Variants in IRX3 observed in about 807,000 individuals in gnomAD.
The protein encoded by IRX3 is iroquois homeobox 3, also known as iroquois-class homeodomain protein IRX-3.
A neutral mutation model predicts 36.4 loss-of-function variants in IRX3; 20 were observed. That is an observed-to-expected ratio of 0.55 (90% CI 0.39 to 0.80). The LOEUF (loss-of-function observed/expected upper bound fraction) is 0.80, where lower values mean the gene tolerates loss of function less well. IRX3 is among the 30% of genes least tolerant of loss of function. The pLI, the probability that IRX3 is intolerant of heterozygous loss-of-function variation, is 0.00. For synonymous variants in IRX3, 404 were observed against 351.6 expected, an observed-to-expected ratio of 1.15 and a Z score of -1.67; for missense variants, 718 against 733.2, an observed-to-expected ratio of 0.98 and a Z score of 0.24.
Position 54,284,801 on chromosome 16 carries a change from G to C in IRX3, c.1080C>G (p.Asp360Glu), listed in dbSNP as rs1361872376. 1.3e-6 allele frequency: 2 copies of C among 1,481,792 alleles called. No individual in the cohort carries two copies. The highest frequency in any genetic ancestry group is 8.9e-7 in the Non-Finnish European group (1 of 1,126,170). The allele number at this position is 1,481,792 out of a possible 1,614,324, so 91.8% of individuals were successfully genotyped here. The change falls in exon 2 of 4, where the codon GAC becomes GAG. Residue 360 changes from aspartate to glutamate, a missense_variant. This residue lies in a region of IRX3 where 468 missense variants were observed against 462.1 expected (regional missense o/e 1.01). Transcript: ENST00000329734. This position sits in a 1 kb window ranked among gnomAD's most constrained non-coding sequence, Gnocchi z 4.0. ...CGCCGGGAGGCGAGCGGCGCGGGTT[G>C]TCCGGGCTTGTGGCAGTCTCCGCGA... ...WSLAETATSP[D>E]NPRRSPPGAG...
chr16:54,283,889 G>A lies in IRX3; in HGVS notation c.1452-149C>T. ...GTCCAGTTGTAGATGTGTGTGTTGG[G>A]GTTTAACTGTAGGGTGGGCACGAGG... On this transcript the variant is annotated intron_variant, in intron 3 of 3. Coordinates refer to ENST00000329734, the MANE Select transcript of IRX3 (RefSeq NM_024336.3). The surrounding 1 kb of genome is among the most constrained non-coding windows in gnomAD (Gnocchi z 4.4). 1 of 1,497,578 alleles carries A rather than the reference G, an allele frequency of 6.7e-7. No homozygotes were observed. Among genetic ancestry groups the A allele is most frequent in the Non-Finnish European group, 8.9e-7 (1 of 1,121,534 alleles). The allele number at this position is 1,497,578 out of a possible 1,614,324, so 92.8% of individuals were successfully genotyped here. A position where few individuals can be genotyped will look rare whatever the true frequency, so the allele number is the denominator to read the frequency against.
Position 54,285,554 on chromosome 16 carries a change from C to T in IRX3, c.327G>A (p.Ala109=). The change falls in exon 2 of 4, where the codon GCG becomes GCA. Residue 109 remains alanine, a synonymous_variant. Transcript: ENST00000329734. This position sits in a 1 kb window ranked among gnomAD's most constrained non-coding sequence, Gnocchi z 5.7. ...PGVQHPAAAA[A]FPHPHPAFYP... ...AGAAGGCGGGGTGCGGGTGCGGAAA[C>T]GCGGCAGCCGCGGCCGGATGCTGCA... The T allele has an allele frequency of 6.3e-7, 1 of 1,596,440 alleles. No homozygotes were observed. Among genetic ancestry groups the T allele is most frequent in the East Asian group, 2.3e-5 (1 of 44,126 alleles).
Position 54,285,586 on chromosome 16 carries a change from G to A in IRX3, c.295C>T (p.Pro99Ser), listed in dbSNP as rs774223716. 10 of 1,564,200 alleles carry A rather than the reference G, an allele frequency of 6.4e-6. No individual in the cohort carries two copies. The East Asian group carries it at 1.6e-4, about 26-fold the overall frequency. Reference sequence around the variant, plus strand: ...GCCGCGGCCGGATGCTGCACCCCGGGGCTGTCCTTCAGCTCATACTGCGCG... The same window carrying A: ...GCCGCGGCCGGATGCTGCACCCCGGAGCTGTCCTTCAGCTCATACTGCGCG... ...LGAQYELKDS[P>S]GVQHPAAAAA... Residue 99 changes from proline (P) to serine (S), a missense_variant, in exon 2 of 4, where the codon CCC (proline) becomes TCC (serine). By Grantham distance (74) the Pro-to-Ser change is moderately conservative. Coordinates refer to ENST00000329734, the MANE Select transcript of IRX3 (RefSeq NM_024336.3). This position sits in a 1 kb window ranked among gnomAD's most constrained non-coding sequence, Gnocchi z 5.7.
chr16:54,284,898 G>A lies in IRX3; in HGVS notation c.983C>T (p.Pro328Leu), dbSNP rs757184714. Residue 328 changes from proline to leucine, a missense_variant, in exon 2 of 4, where the codon CCC (proline) becomes CTC (leucine). Physicochemically the swap from Pro to Leu is moderately conservative, Grantham distance 98. Transcript: ENST00000329734. This position sits in a 1 kb window ranked among gnomAD's most constrained non-coding sequence, Gnocchi z 4.0. ...GGGAGCGCAGGGGTCCAGGCTCACG[G>A]GGGGCGACGGCAGAGACGGCGAGGC... ...AVASPSLPSPPVSLDPCAPAP... is the reference protein window; with the variant it reads ...AVASPSLPSPLVSLDPCAPAP... The A allele has an allele frequency of 9.5e-6, 15 of 1,576,012 alleles. No homozygotes were observed. The South Asian group carries it at 1.5e-4, about 16-fold the overall frequency.
In IRX3 at chr16:54,283,878, G is replaced by A. The variant is rs1218782644; in HGVS notation, c.1452-138C>T. 1.8e-5 allele frequency: 27 copies of A among 1,515,924 alleles called. No homozygotes were observed. The highest frequency in any genetic ancestry group is 2.2e-5 in the Non-Finnish European group (25 of 1,129,962). The allele number at this position is 1,515,924 out of a possible 1,614,324, so 93.9% of individuals were successfully genotyped here. On this transcript the variant is annotated intron_variant, in intron 3 of 3. Transcript: ENST00000329734. This position sits in a 1 kb window ranked among gnomAD's most constrained non-coding sequence, Gnocchi z 4.4. ...TGTAAAATTATGTCCAGTTGTAGAT[G>A]TGTGTGTTGGGGTTTAACTGTAGGG...
Position 54,284,343 on chromosome 16 carries a change from C to A in IRX3, c.1385-31G>T. On this transcript the variant is annotated intron_variant, in intron 2 of 3. Coordinates refer to ENST00000329734, the MANE Select transcript of IRX3 (RefSeq NM_024336.3). The surrounding 1 kb of genome is among the most constrained non-coding windows in gnomAD (Gnocchi z 4.0). The stretch of plus-strand genomic sequence containing the variant: ...GGAAGCGGGGGAAGAAAAAGGAGGG[C>A]CTTTAGAGCGCTCGGTGCCGGCGCC... The A allele has an allele frequency of 6.3e-7, 1 of 1,587,900 alleles. No homozygotes were observed.
chr16:54,285,690 C>A lies in IRX3; in HGVS notation c.268-77G>T. On this transcript the variant is annotated intron_variant, in intron 1 of 3. Transcript: ENST00000329734. The surrounding 1 kb of genome is among the most constrained non-coding windows in gnomAD (Gnocchi z 5.7). Reference sequence around the variant, plus strand: ...CCCCAGCCATCGCTGCCTCCCCCCTCCTGGCCTGCACCCCTCTAGTCCGGC... The same window carrying A: ...CCCCAGCCATCGCTGCCTCCCCCCTACTGGCCTGCACCCCTCTAGTCCGGC... 1 of 1,463,324 alleles carries A rather than the reference C, an allele frequency of 6.8e-7. No individual in the cohort carries two copies. The highest frequency in any genetic ancestry group is 9.0e-7 in the Non-Finnish European group (1 of 1,112,780). The allele number at this position is 1,463,324 out of a possible 1,614,324, so 90.6% of individuals were successfully genotyped here. A position where few individuals can be genotyped will look rare whatever the true frequency, so the allele number is the denominator to read the frequency against.
Position 54,285,173 on chromosome 16 carries a change from C to A in IRX3, c.708G>T (p.Glu236Asp). 1 of 1,603,252 alleles carries A rather than the reference C, an allele frequency of 6.2e-7. No homozygotes were observed. The highest frequency in any genetic ancestry group is 8.5e-7 in the Non-Finnish European group (1 of 1,174,884). The change falls in exon 2 of 4, where the codon GAG becomes GAT. Residue 236 changes from glutamate to aspartate, a missense_variant. By Grantham distance (45) the Glu-to-Asp change is conservative. Around this residue, in one of 3 missense-constraint regions of IRX3, gnomAD observed 468 missense variants for 462.1 expected, o/e 1.01. Transcript: ENST00000329734. The surrounding 1 kb of genome is among the most constrained non-coding windows in gnomAD (Gnocchi z 5.7). ...LELEEEELGGEEEDTGGEGLA... is the reference protein window; with the variant it reads ...LELEEEELGGDEEDTGGEGLA... ...GGCCCTCGCCCCCCGTGTCCTCCTC[C>A]TCCCCCCCGAGCTCCTCCTCCTCCA...
rs1432956727 is a variant in IRX3, at chr16:54,284,500, T to C, written c.1381A>G (p.Thr461Ala). 1.4e-6 allele frequency: 2 copies of C among 1,401,676 alleles called. No homozygotes were observed. The highest frequency in any genetic ancestry group is 1.8e-6 in the Non-Finnish European group (2 of 1,090,840). The allele number at this position is 1,401,676 out of a possible 1,614,324, so 86.8% of individuals were successfully genotyped here. The change falls in exon 2 of 4, where the codon ACA becomes GCA. Residue 461 changes from threonine (T) to alanine (A), a missense_variant. Physicochemically the swap from Thr to Ala is moderately conservative, Grantham distance 58. Transcript: ENST00000329734. The surrounding 1 kb of genome is among the most constrained non-coding windows in gnomAD (Gnocchi z 4.0). ...FARPAEPEGG[T>A]DRCSALEVEK... Reference sequence around the variant, plus strand: ...GCGCCCAGCGCTCAGCAGTCACCTGTTCCGCCTTCGGGCTCCGCTGGCCGA... The same window carrying C: ...GCGCCCAGCGCTCAGCAGTCACCTGCTCCGCCTTCGGGCTCCGCTGGCCGA...
chr16:54,284,212 G>C lies in IRX3; in HGVS notation c.1451+34C>G. The C allele has an allele frequency of 6.3e-7, 1 of 1,591,114 alleles. No individual in the cohort carries two copies. The highest frequency in any genetic ancestry group is 8.6e-7 in the Non-Finnish European group (1 of 1,162,670). On this transcript the variant is annotated intron_variant, in intron 3 of 3. Transcript: ENST00000329734. The surrounding 1 kb of genome is among the most constrained non-coding windows in gnomAD (Gnocchi z 4.0). ...CGTCCTCTCCTTTCCCCGCCAGCCA[G>C]TCCCCCTGGCCCCTCAACCTCGGGG...
Position 54,286,348 on chromosome 16 carries a change from C to T in IRX3, c.-298G>A. ...GCCCCTCCTCTCTGCGCCGCGCTCCCTCCTCTCGGCCGCCGGAGCTGCCTC... is the reference window on the plus strand; with the variant it reads ...GCCCCTCCTCTCTGCGCCGCGCTCCTTCCTCTCGGCCGCCGGAGCTGCCTC... On this transcript the variant is annotated 5_prime_UTR_variant, in exon 1 of 4. Transcript: ENST00000329734. 1.0e-6 allele frequency: 1 copy of T among 988,698 alleles called. No individual in the cohort carries two copies. Among genetic ancestry groups the T allele is most frequent in the Non-Finnish European group, 1.2e-6 (1 of 832,350 alleles). The allele number at this position is 988,698 out of a possible 1,614,324, so 61.2% of individuals were successfully genotyped here.
Position 54,283,970 on chromosome 16 carries a change from C to G in IRX3, c.1452-230G>C, listed in dbSNP as rs1369277488. The G allele has an allele frequency of 6.3e-6, 9 of 1,438,614 alleles. No homozygotes were observed. Among genetic ancestry groups the G allele is most frequent in the Non-Finnish European group, 7.3e-6 (8 of 1,100,676 alleles). 89.1% of individuals were successfully genotyped at this position (1,438,614 alleles called of 1,614,324 possible). On this transcript the variant is annotated intron_variant, in intron 3 of 3. Transcript: ENST00000329734. The surrounding 1 kb of genome is among the most constrained non-coding windows in gnomAD (Gnocchi z 4.4). ...AGGTGGGCGTCAGAGAACCGCCACC[C>G]GCCCCAGGGGCCTGTGGGCCCAGCC...
rs551531660 is a variant in IRX3, at chr16:54,284,925, A to G, written c.956T>C (p.Val319Ala). The change falls in exon 2 of 4, where the codon GTG becomes GCG. Residue 319 changes from valine (V) to alanine (A), a missense_variant. Val to Ala is a moderately conservative substitution (Grantham distance 64). Transcript: ENST00000329734. The surrounding 1 kb of genome is among the most constrained non-coding windows in gnomAD (Gnocchi z 4.0). Reference protein sequence around the residue: ...SLAPAPPPVAVASPSLPSPPV... With the variant: ...SLAPAPPPVAAASPSLPSPPV... Reference sequence around the variant, plus strand: ...GGGCGACGGCAGAGACGGCGAGGCCACGGCCACTGGTGGTGGCGCTGGAGC... The same window carrying G: ...GGGCGACGGCAGAGACGGCGAGGCCGCGGCCACTGGTGGTGGCGCTGGAGC... 6.3e-7 allele frequency: 1 copy of G among 1,598,102 alleles called. No homozygotes were observed. The highest frequency in any genetic ancestry group is 8.5e-7 in the Non-Finnish European group (1 of 1,172,950).
At position 54,283,764 on chromosome 16, in the gene IRX3, CAA is replaced by C; in HGVS notation, c.1452-26_1452-25del. On this transcript the variant is annotated intron_variant, in intron 3 of 3. Transcript: ENST00000329734. This position sits in a 1 kb window ranked among gnomAD's most constrained non-coding sequence, Gnocchi z 4.4. ...GCCTGGAAGAGAGAGACAGTAGTAG[CAA>C]AAGAGGTGAGATTCAGGAGCGCAGA... 1.2e-6 allele frequency: 2 copies of C among 1,611,854 alleles called. No homozygotes were observed. The highest frequency in any genetic ancestry group is 1.7e-6 in the Non-Finnish European group (2 of 1,178,844).
Position 54,285,264 on chromosome 16 carries a change from T to G in IRX3, c.617A>C (p.Tyr206Ser), listed in dbSNP as rs1332180445. ...GTCTTCCTCCTCGCGCTCGCTCCCA[T>G]AAGCGTTTCCCTCCTCGTCAGTGCG... The part of the protein sequence containing the change: ...RSRTDEEGNA[Y>S]GSEREEEDEE... Residue 206 changes from tyrosine (Y) to serine (S), a missense_variant, in exon 2 of 4, where the codon TAT becomes TCT. This residue lies in a region of IRX3 where 468 missense variants were observed against 462.1 expected (regional missense o/e 1.01). Transcript: ENST00000329734. The surrounding 1 kb of genome is among the most constrained non-coding windows in gnomAD (Gnocchi z 5.7). The G allele has an allele frequency of 6.2e-7, 1 of 1,613,794 alleles. No individual in the cohort carries two copies. The highest frequency in any genetic ancestry group is 1.3e-5 in the African/African-American group (1 of 74,946).
Position 54,285,301 on chromosome 16 carries a change from C to T in IRX3, c.580G>A (p.Ala194Thr). The T allele has an allele frequency of 6.2e-7, 1 of 1,614,156 alleles. No individual in the cohort carries two copies. Among genetic ancestry groups the T allele is most frequent in the Non-Finnish European group, 8.5e-7 (1 of 1,180,032 alleles). ...TCCTCGTCAGTGCGGCTGCGAGGCG[C>T]CCAAGTCATCTTATTCTCCTTCTTG... ...RLKKENKMTW[A>T]PRSRTDEEGN... is the part of the protein sequence containing the mutation. Residue 194 changes from alanine to threonine, a missense_variant, in exon 2 of 4, where the codon GCG (alanine) becomes ACG (threonine). Ala to Thr is a moderately conservative substitution (Grantham distance 58, BLOSUM62 0). Around this residue, in one of 3 missense-constraint regions of IRX3, gnomAD observed 468 missense variants for 462.1 expected, o/e 1.01. Transcript: ENST00000329734. The surrounding 1 kb of genome is among the most constrained non-coding windows in gnomAD (Gnocchi z 5.7).
chr16:54,286,157 C>T lies in IRX3; in HGVS notation c.-107G>A. 9.3e-7 allele frequency: 1 copy of T among 1,075,860 alleles called. No individual in the cohort carries two copies. Among genetic ancestry groups the T allele is most frequent in the Non-Finnish European group, 1.1e-6 (1 of 885,806 alleles). The allele number at this position is 1,075,860 out of a possible 1,614,324, so 66.6% of individuals were successfully genotyped here. Reference sequence around the variant, plus strand: ...ATCGGGGGCTGGGCCGGGCTTGGGGCCGCGCTGCCGCCCGCGCTGCGCTGT... The same window carrying T: ...ATCGGGGGCTGGGCCGGGCTTGGGGTCGCGCTGCCGCCCGCGCTGCGCTGT... On this transcript the variant is annotated 5_prime_UTR_variant, in exon 1 of 4. Coordinates refer to ENST00000329734, the MANE Select transcript of IRX3 (RefSeq NM_024336.3).
chr16:54,284,430 C>T lies in IRX3; in HGVS notation c.1384+67G>A. ...GCCCTGCGCCCCCCGGGCCCTGCCC[C>T]TCCCGGCCAGCTCCGGCACTACCCG... On this transcript the variant is annotated intron_variant, in intron 2 of 3. Coordinates refer to ENST00000329734, the MANE Select transcript of IRX3 (RefSeq NM_024336.3). This position sits in a 1 kb window ranked among gnomAD's most constrained non-coding sequence, Gnocchi z 4.0. 2 of 1,414,414 alleles carry T rather than the reference C, an allele frequency of 1.4e-6. No individual in the cohort carries two copies. The highest frequency in any genetic ancestry group is 1.8e-6 in the Non-Finnish European group (2 of 1,092,236). The allele number at this position is 1,414,414 out of a possible 1,614,324, so 87.6% of individuals were successfully genotyped here. A position where few individuals can be genotyped will look rare whatever the true frequency, so the allele number is the denominator to read the frequency against.
rs768270530 is a variant in IRX3 at position 54,285,217 on chromosome 16, C to T, written c.664G>A (p.Gly222Ser). The T allele has an allele frequency of 4.4e-6, 7 of 1,607,684 alleles. No individual in the cohort carries two copies. Among genetic ancestry groups the T allele is most frequent in the Non-Finnish European group, 5.9e-6 (7 of 1,177,212 alleles). Residue 222 changes from glycine (G) to serine (S), a missense_variant, in exon 2 of 4, where the codon GGC becomes AGC. By Grantham distance (56) the Gly-to-Ser change is moderately conservative. Around this residue, in one of 3 missense-constraint regions of IRX3, gnomAD observed 468 missense variants for 462.1 expected, o/e 1.01. Transcript: ENST00000329734. The surrounding 1 kb of genome is among the most constrained non-coding windows in gnomAD (Gnocchi z 5.7). The part of the protein sequence containing the change: ...EEDEEEDEED[G>S]KRELELEEEE... The stretch of plus-strand genomic sequence containing the variant: ...TCCTCCAGCTCTAGCTCGCGTTTGC[C>T]GTCCTCCTCGTCCTCCTCTTCGTCT...
Sources: allele counts gnomAD v4.1 joint callset, GRCh38; gene constraint gnomAD v4.1.1; regional missense constraint gnomAD v4.1.1; non-coding constraint Gnocchi (gnomAD v3.1); transcripts MANE v1.5; gene names NCBI Gene and HGNC (gene_info 2026-07-23, HGNC 2026-07-21).